Variants in ZDHHC21 observed in about 807,000 individuals in gnomAD.
The protein encoded by ZDHHC21 is zDHHC palmitoyltransferase 21, also known as palmitoyltransferase ZDHHC21.
In ZDHHC21, 15 loss-of-function variants were observed where a neutral mutation model predicts 34.6. That is an observed-to-expected ratio of 0.43 (90% CI 0.29 to 0.67). ZDHHC21 has a LOEUF of 0.67. ZDHHC21 is among the 30% of genes least tolerant of loss of function. The pLI is 0.14. For synonymous variants in ZDHHC21, 142 were observed against 101.8 expected (o/e 1.40, Z -2.38); for missense variants, 344 against 327.7 (o/e 1.05, Z -0.38).
In ZDHHC21 at chr9:14,617,031, G is replaced by C. The variant is rs1824333631; in HGVS notation, c.*1935C>G. On this transcript the variant is annotated 3_prime_UTR_variant, in exon 10 of 10. Coordinates refer to ENST00000380916, the MANE Select transcript of ZDHHC21 (RefSeq NM_178566.6). The stretch of plus-strand genomic sequence containing the variant: ...TAGGTGATCTTCACTTGGCTCTGCT[G>C]TTTTCTCAAGGTCTTTATTTGAAAG... The C allele has an allele frequency of 6.6e-6, 1 of 151,830 alleles. No homozygotes were observed. Among genetic ancestry groups the C allele is most frequent in the Non-Finnish European group, 1.5e-5 (1 of 67,868 alleles). 9.4% of individuals were successfully genotyped at this position (151,830 alleles called of 1,614,324 possible).
In ZDHHC21 at chr9:14,682,142, A is replaced by G. The variant is rs529627421; in HGVS notation, c.-175-1980T>C. Among the ~76,000 whole-genome samples, 19 of 152,316 alleles carry G rather than the reference A, an allele frequency of 1.2e-4. 2 individuals carry two copies. In the South Asian group the frequency reaches 2.3e-3, roughly 18 times the overall value. On this transcript the variant is annotated intron_variant, in intron 2 of 9. Coordinates refer to ENST00000380916, the MANE Select transcript of ZDHHC21 (RefSeq NM_178566.6). The stretch of plus-strand genomic sequence containing the variant: ...AAGAAACTGCATCAACTAACAAGCA[A>G]AATAACCAGCTAACATCATAATGAC...
rs1265820240 is a variant in ZDHHC21, at chr9:14,612,904, A to T, written c.*6062T>A. On this transcript the variant is annotated 3_prime_UTR_variant, in exon 10 of 10. Coordinates refer to ENST00000380916, the MANE Select transcript of ZDHHC21 (RefSeq NM_178566.6). ...CACGCTGAACTCGATTTGTAATGAG[A>T]ACGAACCTTAACTCTTCATCTTAGT... 6.6e-6 allele frequency: 1 copy of T among 150,864 alleles called. No homozygotes were observed. The highest frequency in any genetic ancestry group is 1.5e-5 in the Non-Finnish European group (1 of 67,584). The allele number at this position is 150,864 out of a possible 1,614,324, so 9.3% of individuals were successfully genotyped here. A position where few individuals can be genotyped will look rare whatever the true frequency, so the allele number is the denominator to read the frequency against.
chr9:14,669,570 C>T (rs1222221409), intron 5 of ZDHHC21, among the ~76,000 whole-genome samples: 2 of 149,636 alleles, frequency 1.3e-5, no homozygotes, highest in African/African-American at 4.9e-5. Flanking sequence ...TTTATTGCAG[C>T]ATTATTCACA....
At position 14,639,942 on chromosome 9, in the gene ZDHHC21, A is replaced by G. The variant is rs750575957; in HGVS notation, c.575T>C (p.Val192Ala). The change falls in exon 8 of 10, where the codon GTT (valine) becomes GCT (alanine). Residue 192 changes from valine (V) to alanine (A), a missense_variant. Coordinates refer to ENST00000380916, the MANE Select transcript of ZDHHC21 (RefSeq NM_178566.6). Reference protein sequence around the residue: ...LAAFMGITMLVGITGLFYTQL... With the variant: ...LAAFMGITMLAGITGLFYTQL... ...AGTGTAAAAGAGTCCAGTTATTCCA[A>G]CTAACATAGTAATGCCCATAAAGGC... is the stretch of plus-strand genomic sequence containing the variant. 2.5e-6 allele frequency: 4 copies of G among 1,608,526 alleles called. No individual in the cohort carries two copies. Among genetic ancestry groups the G allele is most frequent in the Middle Eastern group, 1.7e-4 (1 of 6,028 alleles).
At chr9:14,634,128 G>A (rs1366273645) in intron 8 of ZDHHC21, among the ~76,000 whole-genome samples, 1 of 152,110 alleles carries the variant, frequency 6.6e-6, no homozygotes, top group South Asian at 2.1e-4. Flanking sequence ...ACTCCTCTCA[G>A]GGGCCAGAGG....
chr9:14,658,459 CA>C (rs1832697798), intron 7 of ZDHHC21, among the ~76,000 whole-genome samples: 1 of 46,614 alleles, frequency 2.1e-5, no homozygotes, highest in Non-Finnish European at 4.7e-5. Context: ...TGGATATAAA[CA>C]TTTCTTTTTT....
At position 14,666,601 on chromosome 9, in the gene ZDHHC21, A is replaced by G. The variant is rs1184613997; in HGVS notation, c.254-4275T>C. On this transcript the variant is annotated intron_variant, in intron 5 of 9. Transcript: ENST00000380916. ...CAAAATTGACCACATAGTAGGAAGTAAAGCTCTCCTCAGCAAATGTAAAAG... is the reference window on the plus strand; with the variant it reads ...CAAAATTGACCACATAGTAGGAAGTGAAGCTCTCCTCAGCAAATGTAAAAG... Among the ~76,000 whole-genome samples, 5 of 108,506 alleles carry G rather than the reference A, an allele frequency of 4.6e-5. 2 individuals carry two copies. The highest frequency in any genetic ancestry group is 1.0e-4 in the Non-Finnish European group (5 of 47,998). The allele number at this position is 108,506 out of a possible 152,430, so 71.2% of individuals were successfully genotyped here.
At chr9:14,656,461 C>G (rs1376179898) in intron 7 of ZDHHC21, among the ~76,000 whole-genome samples, 2 of 151,658 alleles carry the variant, frequency 1.3e-5, no homozygotes, top group African/African-American at 4.8e-5. Flanking sequence ...AACATATAAA[C>G]AAAACTAAAA....
rs1440766336 is a variant in ZDHHC21, at chr9:14,674,507, G to A, written c.-45-122C>T. On this transcript the variant is annotated intron_variant, in intron 3 of 9. Transcript: ENST00000380916. ...TTTGCATATTTGACATTTTCTTTCT[G>A]TAGTTGATATATTTATTGATATTTC... 2.2e-5 allele frequency: 12 copies of A among 535,924 alleles called. No homozygotes were observed. The African/African-American group carries it at 2.4e-4, about 11-fold the overall frequency. 33.2% of individuals were successfully genotyped at this position (535,924 alleles called of 1,614,324 possible). A position where few individuals can be genotyped will look rare whatever the true frequency, so the allele number is the denominator to read the frequency against.
chr9:14,660,372 CAAAA>C (rs374162221), intron 6 of ZDHHC21, among the ~76,000 whole-genome samples: 9 of 58,800 alleles, frequency 1.5e-4, no homozygotes, highest in South Asian at 9.3e-4. Context: ...GACTCCATCT[CAAAA>C]AAAAAAAAAA....
chr9:14,634,106 T>C (rs1827846169), intron 8 of ZDHHC21, among the ~76,000 whole-genome samples: 1 of 152,138 alleles, frequency 6.6e-6, no homozygotes, highest in African/African-American at 2.4e-5. Context: ...CCACCATTGC[T>C]GGCACCTGAA....
intron 5 of ZDHHC21, among the ~76,000 whole-genome samples, chr9:14,666,629 C>G (rs1375631049): frequency 9.2e-6 from 1 of 109,002 alleles, no homozygotes; most frequent in African/African-American, 3.1e-5. Flanking sequence ...TGTAAAAGAA[C>G]AGAAATTATA....
At chr9:14,622,016 T>C (rs1008865061) in intron 8 of ZDHHC21, among the ~76,000 whole-genome samples, 10 of 152,126 alleles carry the variant, frequency 6.6e-5, no homozygotes, top group Admixed American at 1.3e-4. Flanking sequence ...ATATAAGTCC[T>C]CAGTTATATG....
At chr9:14,634,401 G>A (rs1827908600) in intron 8 of ZDHHC21, among the ~76,000 whole-genome samples, 1 of 152,186 alleles carries the variant, frequency 6.6e-6, no homozygotes, top group African/African-American at 2.4e-5. Flanking sequence ...CCAAGAATTG[G>A]TCTGTGTGGA....
chr9:14,688,504 C>T (rs1838690906), intron 2 of ZDHHC21, among the ~76,000 whole-genome samples: 1 of 150,624 alleles, frequency 6.6e-6, no homozygotes, highest in Non-Finnish European at 1.5e-5. Flanking sequence ...GGTAGGATTG[C>T]TTGAGCTAAG....
At chr9:14,606,411 G>A (rs1426425050), downstream of ZDHHC21, among the ~76,000 whole-genome samples, 1 of 152,196 alleles carries the variant, frequency 6.6e-6, no homozygotes, top group Admixed American at 6.5e-5. Flanking sequence ...CCATGTAGGT[G>A]TTCTGGATGA....
intron 6 of ZDHHC21, among the ~76,000 whole-genome samples, chr9:14,659,809 T>C (rs987876583): frequency 1.3e-5 from 2 of 152,184 alleles, no homozygotes; most frequent in Non-Finnish European, 2.9e-5. Context: ...GTGCATGTTT[T>C]GTAAACAAGA....
chr9:14,677,253 T>G (rs752792994), intron 3 of ZDHHC21: 1 of 151,184 alleles, frequency 6.6e-6, no homozygotes, highest in Non-Finnish European at 1.5e-5. Flanking sequence ...GATAGAAAAA[T>G]AAAACAACAA....
At chr9:14,685,326 G>A (rs1268844938) in intron 2 of ZDHHC21, among the ~76,000 whole-genome samples, 5 of 151,692 alleles carry the variant, frequency 3.3e-5, no homozygotes, top group Non-Finnish European at 7.4e-5. Context: ...CTAATATCCA[G>A]AATCTACAAA....
Sources: gnomAD v4.1 joint callset for allele counts (sites outside exome capture counted in the v4.1 genomes callset) on GRCh38, gnomAD v4.1.1 for gene constraint, MANE v1.5 for transcripts, NCBI Gene and HGNC (gene_info 2026-07-23, HGNC 2026-07-21) for gene names.